ATP8A2: variants seen among roughly 807,000 people sequenced by gnomAD.
The protein encoded by ATP8A2 is ATPase phospholipid transporting 8A2.
ATP8A2 carries 100 observed loss-of-function variants against 165.6 expected under a neutral mutation model. The observed-to-expected ratio is 0.60, with a 90% confidence interval of 0.51 to 0.71. ATP8A2 has a LOEUF of 0.71. ATP8A2 is among the 30% of genes least tolerant of loss of function. The pLI, the probability that ATP8A2 is intolerant of heterozygous loss-of-function variation, is 0.00. For synonymous variants in ATP8A2, 543 were observed against 548.8 expected (o/e 0.99, Z 0.15); for missense variants, 1,227 against 1,479.5 (o/e 0.83, Z 2.80).
At position 25,574,877 on chromosome 13, in the gene ATP8A2, G is replaced by T. The variant is rs371683444; in HGVS notation, c.1712+20G>T. On this transcript the variant is annotated intron_variant, in intron 19 of 36. Coordinates refer to ENST00000381655, the MANE Select transcript of ATP8A2 (RefSeq NM_016529.6). ...TTCTAGGTATGTTTCTCTTTCATACGTTTGAAATAAAATAATTATATTTAT... is the reference window on the plus strand; with the variant it reads ...TTCTAGGTATGTTTCTCTTTCATACTTTTGAAATAAAATAATTATATTTAT... 2.9e-6 allele frequency: 4 copies of T among 1,356,742 alleles called. No homozygotes were observed. Among genetic ancestry groups the T allele is most frequent in the Middle Eastern group, 1.8e-4 (1 of 5,552 alleles). The allele number at this position is 1,356,742 out of a possible 1,614,324, so 84.0% of individuals were successfully genotyped here.
chr13:25,956,781 A>T (rs1955533811), intron 33 of ATP8A2, among the ~76,000 whole-genome samples: 1 of 152,248 alleles, frequency 6.6e-6, no homozygotes, highest in Non-Finnish European at 1.5e-5. Flanking sequence ...TTTAAATTTC[A>T]TATGGAATCA....
chr13:25,571,750 T>C, intron 18 of ATP8A2, 58 bp downstream of exon 18: 1 of 1,356,214 alleles, frequency 7.4e-7, no homozygotes, highest in Non-Finnish European at 1.1e-6. Flanking sequence ...ATTGTGTGTG[T>C]GAAATGGCAT....
chr13:25,920,942 C>T (rs538564105), intron 33 of ATP8A2, among the ~76,000 whole-genome samples: 2 of 151,954 alleles, frequency 1.3e-5, no homozygotes, highest in East Asian at 1.9e-4. Context: ...TGGTGGTGCT[C>T]GCCTATAGTT....
At chr13:25,528,886 TATGC>T (rs1178934079) in intron 2 of ATP8A2, among the ~76,000 whole-genome samples, 1 of 151,356 alleles carries the variant, frequency 6.6e-6, no homozygotes, top group African/African-American at 2.4e-5. Flanking sequence ...GCAACATGTG[TATGC>T]ATACATATGC....
intron 35 of ATP8A2, among the ~76,000 whole-genome samples, chr13:26,002,494 A>G (rs1434213686): frequency 6.6e-6 from 1 of 151,964 alleles, no homozygotes; most frequent in African/African-American, 2.4e-5. Context: ...CAGCAAACCA[A>G]CACGGCACAT....
At chr13:25,608,287 G>A (rs1280758915) in intron 24 of ATP8A2, among the ~76,000 whole-genome samples, 1 of 152,214 alleles carries the variant, frequency 6.6e-6, no homozygotes, top group Non-Finnish European at 1.5e-5. Context: ...GATTTGGGGT[G>A]ACAAAGCATA....
At position 25,423,088 on chromosome 13, in the gene ATP8A2, C is replaced by T. The variant is rs573408468; in HGVS notation, c.77-45889C>T. Among the ~76,000 whole-genome samples the T allele has an allele frequency of 8.5e-5, 13 of 152,274 alleles. 2 individuals carry two copies. In the East Asian group the frequency reaches 1.5e-3, roughly 18 times the overall value. On this transcript the variant is annotated intron_variant, in intron 1 of 36. Coordinates refer to ENST00000381655, the MANE Select transcript of ATP8A2 (RefSeq NM_016529.6). ...TCTTCTTTCACTGCTCCACCCCCAC[C>T]GTGGCATCATGACGGAAGGCATCAA...
At chr13:25,531,336 G>GTTATATATATGATATATATGA (rs2038074110) in intron 4 of ATP8A2, among the ~76,000 whole-genome samples, 1 of 127,526 alleles carries the variant, frequency 7.8e-6, no homozygotes, top group African/African-American at 3.1e-5. Context: ...ATATATATAT[G>GTTATATATATGATATATATGA]TTATATATGA....
intron 25 of ATP8A2, among the ~76,000 whole-genome samples, chr13:25,727,537 T>C (rs1329716075): frequency 6.6e-6 from 1 of 152,192 alleles, no homozygotes; most frequent in Non-Finnish European, 1.5e-5. Context: ...TGATTGGAAA[T>C]GCTCATGGCT....
At chr13:25,590,433 A>G (rs1178034637) in intron 24 of ATP8A2, among the ~76,000 whole-genome samples, 1 of 152,214 alleles carries the variant, frequency 6.6e-6, no homozygotes. Flanking sequence ...TTGAAATAAT[A>G]ATAATACATT....
chr13:25,674,239 A>G (rs1193347587), intron 24 of ATP8A2, among the ~76,000 whole-genome samples: 1 of 152,156 alleles, frequency 6.6e-6, no homozygotes, highest in East Asian at 1.9e-4. Context: ...TTGTCTTCTC[A>G]GAACTCCTAT....
intron 33 of ATP8A2, among the ~76,000 whole-genome samples, chr13:25,903,111 C>T (rs1184184691): frequency 2.0e-5 from 3 of 151,940 alleles, no homozygotes; most frequent in African/African-American, 7.3e-5. Flanking sequence ...AACGAAACTC[C>T]GTCTCAAAAA....
At chr13:25,831,251 G>A (rs1951461353) in intron 28 of ATP8A2, among the ~76,000 whole-genome samples, 1 of 131,292 alleles carries the variant, frequency 7.6e-6, no homozygotes, top group South Asian at 2.5e-4. Context: ...GTCTAGCTCT[G>A]TTGCCCGGGC....
In ATP8A2 at chr13:25,774,861, G is replaced by C. The variant is rs1253139886; in HGVS notation, c.2581G>C (p.Glu861Gln). 6.8e-6 allele frequency: 11 copies of C among 1,610,670 alleles called. No individual in the cohort carries two copies. Among genetic ancestry groups the C allele is most frequent in the Non-Finnish European group, 9.3e-6 (11 of 1,177,366 alleles). Residue 861 changes from glutamate to glutamine, a missense_variant, in exon 27 of 37, where the codon GAG (glutamate) becomes CAG (glutamine). Glu to Gln is a conservative substitution (Grantham distance 29). Around this residue, in one of 5 missense-constraint regions of ATP8A2, gnomAD observed 592 missense variants for 785.6 expected, o/e 0.75. Coordinates refer to ENST00000381655, the MANE Select transcript of ATP8A2 (RefSeq NM_016529.6). ...DYAIAQFSYL[E>Q]KLLLVHGAWS... is the part of the protein sequence containing the mutation. ...TTTCCTTTTTCAGTTTTCCTACTTA[G>C]AGAAGCTTCTGTTGGTTCATGGAGC...
chr13:25,551,973 A>G (rs1295941803), intron 11 of ATP8A2, among the ~76,000 whole-genome samples: 1 of 151,970 alleles, frequency 6.6e-6, no homozygotes, highest in Non-Finnish European at 1.5e-5. Context: ...GAAAAAAAGT[A>G]TATTGATAGT....
chr13:25,901,492 A>T (rs1324338366), intron 33 of ATP8A2, among the ~76,000 whole-genome samples: 1 of 151,034 alleles, frequency 6.6e-6, no homozygotes, highest in Non-Finnish European at 1.5e-5. Context: ...GAATTCATAT[A>T]TTATATATTA....
intron 25 of ATP8A2, among the ~76,000 whole-genome samples, chr13:25,714,183 T>A (rs924839605): frequency 1.3e-5 from 2 of 152,066 alleles, no homozygotes; most frequent in African/African-American, 4.8e-5. Flanking sequence ...AACCTTCTGG[T>A]GACCTCTCAG....
At chr13:25,739,295 C>G (rs1393143148) in intron 25 of ATP8A2, among the ~76,000 whole-genome samples, 5 of 152,222 alleles carry the variant, frequency 3.3e-5, no homozygotes, top group Non-Finnish European at 7.3e-5. Flanking sequence ...TTGAGTGTAT[C>G]TCACATATCA....
intron 17 of ATP8A2, 146 bp downstream of exon 17, chr13:25,571,018 C>G: frequency 1.7e-6 from 1 of 600,674 alleles, no homozygotes. Flanking sequence ...GCTGTGGCTA[C>G]AGGTGCAAAG....
Sources: allele counts gnomAD v4.1 joint callset (sites outside exome capture counted in the v4.1 genomes callset), GRCh38; gene constraint gnomAD v4.1.1; regional missense constraint gnomAD v4.1.1; transcripts MANE v1.5; gene names NCBI Gene and HGNC (gene_info 2026-07-23, HGNC 2026-07-21).